Variants in PLA2R1 observed in about 807,000 individuals in gnomAD.
PLA2R1 encodes secretory phospholipase A2 receptor.
Under a neutral mutation model 195.9 loss-of-function variants are expected in PLA2R1, and 158 were observed. That is an observed-to-expected ratio of 0.81 (90% CI 0.71 to 0.92). The LOEUF (loss-of-function observed/expected upper bound fraction) is 0.92. PLA2R1 is among the 40% of genes least tolerant of loss of function. The pLI, the probability that PLA2R1 is intolerant of heterozygous loss-of-function variation, is 0.00. For missense variants in PLA2R1, 1,626 were observed against 1,764.6 expected (o/e 0.92, Z 1.41); for synonymous variants, 586 against 598.2 (o/e 0.98, Z 0.30).
intron 3 of PLA2R1, among the ~76,000 whole-genome samples, chr2:160,038,464 G>A (rs1265216729): frequency 6.6e-6 from 1 of 152,222 alleles, no homozygotes; most frequent in South Asian, 2.1e-4. Flanking sequence ...TGAGATACAG[G>A]TTGGAGAAGG....
downstream of PLA2R1, among the ~76,000 whole-genome samples, chr2:159,929,369 A>T (rs1246012584): frequency 6.6e-6 from 1 of 152,254 alleles, no homozygotes; most frequent in Non-Finnish European, 1.5e-5. Context: ...AAAAGAAGAT[A>T]CACAAATGGC....
intron 1 of PLA2R1, among the ~76,000 whole-genome samples, chr2:160,047,680 A>C (rs1254631281): frequency 6.6e-6 from 1 of 152,224 alleles, no homozygotes; most frequent in East Asian, 1.9e-4. Context: ...TGCATTACCC[A>C]CCTGTAAAGT....
chr2:159,987,081 A>T, intron 12 of PLA2R1, 75 bp downstream of exon 12: 1 of 1,188,596 alleles, frequency 8.4e-7, no homozygotes. Flanking sequence ...CCCGGAATAA[A>T]GGAATTTGGG....
At chr2:160,058,286 A>G (rs2105713968) in intron 1 of PLA2R1, among the ~76,000 whole-genome samples, 1 of 152,144 alleles carries the variant, frequency 6.6e-6, no homozygotes, top group East Asian at 1.9e-4. Context: ...CACCCCGTAC[A>G]CCCAACCCTG....
chr2:159,980,384 G>A (rs1689864138), intron 13 of PLA2R1, among the ~76,000 whole-genome samples: 2 of 152,286 alleles, frequency 1.3e-5, no homozygotes, highest in South Asian at 4.1e-4. Flanking sequence ...CTAGCCAAGA[G>A]GACCTTTCAC....
chr2:159,996,125 T>C (rs1691192956), intron 11 of PLA2R1, among the ~76,000 whole-genome samples: 1 of 152,164 alleles, frequency 6.6e-6, no homozygotes, highest in Non-Finnish European at 1.5e-5. Flanking sequence ...TATTCTCTGA[T>C]GCTCCTTCTT....
intron 21 of PLA2R1, among the ~76,000 whole-genome samples, chr2:159,956,134 T>C (rs1688070120): frequency 1.3e-5 from 2 of 152,210 alleles, no homozygotes; most frequent in Non-Finnish European, 2.9e-5. Flanking sequence ...TAAACTGAAG[T>C]ATATAATTGA....
intron 11 of PLA2R1, 127 bp downstream of exon 11, chr2:160,005,525 G>A: frequency 1.5e-6 from 1 of 672,240 alleles, no homozygotes; most frequent in Non-Finnish European, 2.5e-6. Context: ...AACCTGTGTT[G>A]ATCCTTGTAA....
At chr2:160,007,006 C>T (rs1692028330) in intron 10 of PLA2R1, among the ~76,000 whole-genome samples, 1 of 152,196 alleles carries the variant, frequency 6.6e-6, no homozygotes, top group Non-Finnish European at 1.5e-5. Context: ...TGGTACTCAT[C>T]TTTGCAGGGG....
chr2:160,054,151 C>T (rs2105687097), intron 1 of PLA2R1, among the ~76,000 whole-genome samples: 2 of 152,244 alleles, frequency 1.3e-5, no homozygotes, highest in Admixed American at 6.5e-5. Context: ...AATAGTAATG[C>T]TGGGGCTGGG....
chr2:159,946,703 C>A, intron 27 of PLA2R1, 98 bp downstream of exon 27: 1 of 1,443,152 alleles, frequency 6.9e-7, no homozygotes, highest in Non-Finnish European at 9.1e-7. Context: ...TCTCAGAAAA[C>A]GTATCCAAGG....
At chr2:159,951,228 TTAA>T in intron 24 of PLA2R1, 109 bp downstream of exon 24, 1 of 681,858 alleles carries the variant, frequency 1.5e-6, no homozygotes, top group Non-Finnish European at 2.6e-6. Flanking sequence ...GTTATATTTA[TTAA>T]TATTTTTGGG....
At chr2:160,054,455 T>A (rs1695411458) in intron 1 of PLA2R1, among the ~76,000 whole-genome samples, 2 of 152,204 alleles carry the variant, frequency 1.3e-5, no homozygotes, top group African/African-American at 4.8e-5. Flanking sequence ...TATAGTTAAA[T>A]AATTACTTTG....
At chr2:160,054,216 G>A (rs1208288221) in intron 1 of PLA2R1, among the ~76,000 whole-genome samples, 1 of 152,138 alleles carries the variant, frequency 6.6e-6, no homozygotes, top group African/African-American at 2.4e-5. Flanking sequence ...CTGGAGGACA[G>A]CTTGAGACCA....
At chr2:160,037,850 A>G (rs2105559664) in intron 3 of PLA2R1, among the ~76,000 whole-genome samples, 1 of 152,198 alleles carries the variant, frequency 6.6e-6, no homozygotes, top group East Asian at 1.9e-4. Flanking sequence ...GTAATACTGT[A>G]TTTTCTTAAG....
chr2:160,059,839 G>A (rs1436398285), intron 1 of PLA2R1, among the ~76,000 whole-genome samples: 2 of 152,150 alleles, frequency 1.3e-5, no homozygotes, highest in Non-Finnish European at 2.9e-5. Context: ...AAACCCATCA[G>A]AGGTTGTGAG....
intron 13 of PLA2R1, 113 bp downstream of exon 13, chr2:159,983,815 C>T: frequency 1.8e-6 from 1 of 565,278 alleles, no homozygotes; most frequent in South Asian, 2.9e-5. Context: ...TGGCTTTGGG[C>T]ATAATACAAA....
intron 13 of PLA2R1, among the ~76,000 whole-genome samples, chr2:159,981,867 C>A (rs565314979): frequency 6.6e-6 from 1 of 152,260 alleles, no homozygotes; most frequent in East Asian, 1.9e-4. Context: ...TTTGTAGAAA[C>A]TGAGTCTCAC....
rs983869535 is a variant in PLA2R1, at chr2:159,933,817, A to G, written c.*7961T>C. The G allele has an allele frequency of 6.6e-6, 1 of 152,222 alleles. No homozygotes were observed. Among genetic ancestry groups the G allele is most frequent in the Admixed American group, 6.5e-5 (1 of 15,286 alleles). The allele number at this position is 152,222 out of a possible 1,614,324, so 9.4% of individuals were successfully genotyped here. On this transcript the variant is annotated 3_prime_UTR_variant, in exon 30 of 30. Coordinates refer to ENST00000283243, the MANE Select transcript of PLA2R1 (RefSeq NM_007366.5). ...TTCCCCATTTAGGTTTTCACTTTCT[A>G]AATCAGGGGTTGGCAAACTTCCTGT...
Sources: gnomAD v4.1 joint callset for allele counts (sites outside exome capture counted in the v4.1 genomes callset) on GRCh38, gnomAD v4.1.1 for gene constraint, MANE v1.5 for transcripts, NCBI Gene and HGNC (gene_info 2026-07-23, HGNC 2026-07-21) for gene names.